The following ELP2 variants were observed in gnomAD, a reference collection of about 807,000 sequenced individuals.
The protein encoded by ELP2 is elongator complex protein 2.
Under a neutral mutation model 119.2 loss-of-function variants are expected in ELP2, and 90 were observed. The observed-to-expected ratio is 0.75, with a 90% CI of 0.64 to 0.90. The LOEUF is 0.90. Ranked by LOEUF, ELP2 falls within the 40% of genes least tolerant of loss-of-function variation. The pLI is 0.00. For missense variants in ELP2, 921 were observed against 967.8 expected, an observed-to-expected ratio of 0.95 and a Z score of 0.64; for synonymous variants, 339 against 331.0, an observed-to-expected ratio of 1.02 and a Z score of -0.26.
At position 36,144,886 on chromosome 18, in the gene ELP2, A is replaced by G; in HGVS notation, c.797-53A>G. The G allele has an allele frequency of 2.8e-6, 4 of 1,447,982 alleles. No individual in the cohort carries two copies. In the South Asian group the frequency reaches 3.4e-5, roughly 12 times the overall value. 89.7% of individuals were successfully genotyped at this position (1,447,982 alleles called of 1,614,324 possible). A position where few individuals can be genotyped will look rare whatever the true frequency, so the allele number is the denominator to read the frequency against. ...GCCCAACTGTCTTGGTTATGGAAATATTCTTTTTAGAAGAGCTTTGAGGAA... is the reference window on the plus strand; with the variant it reads ...GCCCAACTGTCTTGGTTATGGAAATGTTCTTTTTAGAAGAGCTTTGAGGAA... On this transcript the variant is annotated intron_variant, in intron 8 of 21. Coordinates refer to ENST00000358232, the MANE Select transcript of ELP2 (RefSeq NM_018255.4).
chr18:36,169,962 C>T, intron 19 of ELP2, 101 bp from the exon 20 acceptor site: 1 of 1,477,562 alleles, frequency 6.8e-7, no homozygotes, highest in South Asian at 1.1e-5. Flanking sequence ...TTTAAAATAC[C>T]AGAGCAAATA....
intron 11 of ELP2, among the ~76,000 whole-genome samples, chr18:36,153,339 AC>A (rs1419281397): frequency 2.0e-5 from 3 of 151,848 alleles, no homozygotes; most frequent in Non-Finnish European, 4.4e-5. Flanking sequence ...CTCATTCCCC[AC>A]CCTTTTATCC....
intron 18 of ELP2, among the ~76,000 whole-genome samples, chr18:36,166,258 T>A (rs2090892372): frequency 6.6e-6 from 1 of 151,530 alleles, no homozygotes; most frequent in African/African-American, 2.4e-5. Flanking sequence ...GATTATGGAG[T>A]AATAATAGAT....
chr18:36,146,442 A>G, intron 11 of ELP2, 61 bp downstream of exon 11: 2 of 1,577,748 alleles, frequency 1.3e-6, no homozygotes, highest in Non-Finnish European at 1.7e-6. Context: ...CTAGGTAAAT[A>G]GTATTTTGCT....
intron 11 of ELP2, among the ~76,000 whole-genome samples, chr18:36,153,172 A>G (rs565890951): frequency 6.6e-6 from 1 of 152,202 alleles, no homozygotes; most frequent in South Asian, 2.1e-4. Flanking sequence ...TGAATATTTC[A>G]CTTTTTTCTT....
Position 36,138,404 on chromosome 18 carries a change from C to A in ELP2, c.423C>A (p.Leu141=), listed in dbSNP as rs1333918266. 3.1e-6 allele frequency: 5 copies of A among 1,613,940 alleles called. No homozygotes were observed. Among genetic ancestry groups the A allele is most frequent in the Non-Finnish European group, 1.7e-6 (2 of 1,180,012 alleles). ...CAGCTGCAGATTCTGCTGTTCGACT[C>A]TGGTCTAAAAAGGGTCCAGAAGGTA... ...VSAAADSAVR[L]WSKKGPEVMC... Residue 141 remains leucine, a synonymous_variant, in exon 4 of 22, where the codon CTC becomes CTA. Coordinates refer to ENST00000358232, the MANE Select transcript of ELP2 (RefSeq NM_018255.4).
At chr18:36,139,537 G>C (rs2089950076) in intron 5 of ELP2, 1 of 1,535,592 alleles carries the variant, frequency 6.5e-7, no homozygotes, top group African/African-American at 1.4e-5. Context: ...TTCTGTGCAA[G>C]GCTCTGTGGA....
At chr18:36,138,752 C>G (rs773170323) in intron 4 of ELP2, 43 bp from the exon 5 acceptor site, 1 of 1,495,658 alleles carries the variant, frequency 6.7e-7, no homozygotes, top group Non-Finnish European at 9.3e-7. Context: ...TGGATAAGCT[C>G]TGAGGTAGTT....
intron 11 of ELP2, among the ~76,000 whole-genome samples, chr18:36,147,992 G>A (rs765616678): frequency 7.2e-5 from 11 of 152,116 alleles, no homozygotes; most frequent in East Asian, 1.9e-4. Flanking sequence ...TTAGCTATTC[G>A]GAAGCTCCGA....
chr18:36,138,775 T>G lies in ELP2; in HGVS notation c.446-20T>G. 1.3e-6 allele frequency: 2 copies of G among 1,599,718 alleles called. No individual in the cohort carries two copies. Among genetic ancestry groups the G allele is most frequent in the Non-Finnish European group, 1.7e-6 (2 of 1,167,084 alleles). ...CTCTGAGGTAGTTAGTTGTTCATTGTGTTTTTTATTATTTCTTAGTAATGT... is the reference window on the plus strand; with the variant it reads ...CTCTGAGGTAGTTAGTTGTTCATTGGGTTTTTTATTATTTCTTAGTAATGT... On this transcript the variant is annotated intron_variant, in intron 4 of 21. Coordinates refer to ENST00000358232, the MANE Select transcript of ELP2 (RefSeq NM_018255.4).
At position 36,180,222 on chromosome 18, in the gene ELP2, A is replaced by C. The variant is rs577348115; in HGVS notation, c.*5581A>C. ...GCAAAGAGGAAGAAGGCATGAAGAA[A>C]GGCCTGCCCCTGACTTTAAAAACAT... On this transcript the variant is annotated 3_prime_UTR_variant, in exon 22 of 22. Coordinates refer to ENST00000358232, the MANE Select transcript of ELP2 (RefSeq NM_018255.4). 57 of 152,356 alleles carry C rather than the reference A, an allele frequency of 3.7e-4. No homozygotes were observed. Among genetic ancestry groups the C allele is most frequent in the African/African-American group, 1.2e-3 (50 of 41,580 alleles). 9.4% of individuals were successfully genotyped at this position (152,356 alleles called of 1,614,324 possible). A position where few individuals can be genotyped will look rare whatever the true frequency, so the allele number is the denominator to read the frequency against.
chr18:36,146,633 GTCT>G (rs1373754023), intron 11 of ELP2, among the ~76,000 whole-genome samples: 3 of 152,050 alleles, frequency 2.0e-5, no homozygotes, highest in Non-Finnish European at 4.4e-5. Flanking sequence ...TAGCTTTCCT[GTCT>G]TCTTAAAAAG....
chr18:36,175,615 TCCCCCAGGGAGGA>T lies in ELP2; in HGVS notation c.*975_*987del, dbSNP rs1474369648. 1 of 152,136 alleles carries T rather than the reference TCCCCCAGGGAGGA, an allele frequency of 6.6e-6. No homozygotes were observed. The highest frequency in any genetic ancestry group is 2.4e-5 in the African/African-American group (1 of 41,402). 9.4% of individuals were successfully genotyped at this position (152,136 alleles called of 1,614,324 possible). ...GAAGTCACGAGATGAGGGATATATG[TCCCCCAGGGAGGA>T]TGCAGAAAGAAGAAAAGGGTACTGG... On this transcript the variant is annotated 3_prime_UTR_variant, in exon 22 of 22. Transcript: ENST00000358232.
At chr18:36,140,043 T>G (rs1228315097) in intron 5 of ELP2, among the ~76,000 whole-genome samples, 1 of 151,980 alleles carries the variant, frequency 6.6e-6, no homozygotes, top group East Asian at 1.9e-4. Flanking sequence ...AAGGTCTGTT[T>G]ATGTTGCCCA....
Position 36,145,006 on chromosome 18 carries a change from A to T in ELP2, c.864A>T (p.Ala288=). ...VLAGHENWVN[A]VHWQPVFYKD... ...CCGGTCATGAAAACTGGGTAAATGC[A>T]GTTCACTGGCAACCTGTGTTTTACA... The change falls in exon 9 of 22, where the codon GCA becomes GCT. Residue 288 remains alanine, a synonymous_variant. Transcript: ENST00000358232. 6.2e-7 allele frequency: 1 copy of T among 1,614,006 alleles called. No individual in the cohort carries two copies. Among genetic ancestry groups the T allele is most frequent in the Non-Finnish European group, 8.5e-7 (1 of 1,179,858 alleles).
At chr18:36,134,341 T>G (rs1464855290) in intron 2 of ELP2, among the ~76,000 whole-genome samples, 2 of 152,198 alleles carry the variant, frequency 1.3e-5, no homozygotes, top group Non-Finnish European at 2.9e-5. Context: ...AGCAGCCACA[T>G]GATGTATGAT....
Position 36,130,048 on chromosome 18 carries a change from T to G in ELP2, c.115T>G (p.Ser39Ala). 1 of 1,614,164 alleles carries G rather than the reference T, an allele frequency of 6.2e-7. No homozygotes were observed. Among genetic ancestry groups the G allele is most frequent in the South Asian group, 1.1e-5 (1 of 91,084 alleles). Residue 39 changes from serine to alanine, a missense_variant, in exon 1 of 22, where the codon TCC becomes GCC. By Grantham distance (99) the Ser-to-Ala change is moderately conservative (BLOSUM62 1). Coordinates refer to ENST00000358232, the MANE Select transcript of ELP2 (RefSeq NM_018255.4). Reference protein sequence around the residue: ...RGLLAFGTSCSVVLYDPLKRV... With the variant: ...RGLLAFGTSCAVVLYDPLKRV... The stretch of plus-strand genomic sequence containing the variant: ...ACTTCTGGCCTTTGGCACGTCCTGC[T>G]CCGTGGTGCTCTATGACCCCCTGGT...
intron 11 of ELP2, among the ~76,000 whole-genome samples, chr18:36,147,959 G>A (rs905195256): frequency 6.6e-6 from 1 of 151,962 alleles, no homozygotes; most frequent in Non-Finnish European, 1.5e-5. Flanking sequence ...TGGCTGTGCC[G>A]CCCTCCAGGA....
intron 15 of ELP2, 41 bp downstream of exon 15, chr18:36,159,871 C>T: frequency 6.2e-7 from 1 of 1,604,612 alleles, no homozygotes. Context: ...CGCTAGAACA[C>T]ACAGTATGTT....
Sources: allele counts gnomAD v4.1 joint callset (sites outside exome capture counted in the v4.1 genomes callset), GRCh38; gene constraint gnomAD v4.1.1; transcripts MANE v1.5; gene names NCBI Gene and HGNC (gene_info 2026-07-23, HGNC 2026-07-21).